Variants in MAF observed in about 807,000 individuals in gnomAD.
The protein encoded by MAF is MAF bZIP transcription factor.
MAF carries 10 observed loss-of-function variants against 22.0 expected under a neutral mutation model. That is an observed-to-expected ratio of 0.45 (90% CI 0.28 to 0.77). The LOEUF is 0.77. Among genes scored for constraint, MAF ranks in the 30% least tolerant of loss-of-function variants. The probability of loss-of-function intolerance (pLI) is 0.12; values close to 1 mark genes in which losing one functional copy is unlikely to be tolerated. For missense variants in MAF, 544 were observed against 548.4 expected (o/e 0.99, Z 0.08); for synonymous variants, 337 against 255.8 (o/e 1.32, Z -3.03).
the MAF span, among the ~76,000 whole-genome samples, chr16:79,385,841 A>C: frequency 6.6e-6 from 1 of 152,190 alleles, no homozygotes; most frequent in Non-Finnish European, 1.5e-5. Context: ...CAGAGGTTGG[A>C]GGTTGCAGTG....
chr16:79,268,988 C>T, the MAF span, among the ~76,000 whole-genome samples: 1 of 152,220 alleles, frequency 6.6e-6, no homozygotes, highest in Non-Finnish European at 1.5e-5. Flanking sequence ...AGCTCCTCAG[C>T]TGTGGCTTGC....
the MAF span, among the ~76,000 whole-genome samples, chr16:79,281,888 C>G: frequency 1.2e-4 from 18 of 152,202 alleles, no homozygotes; most frequent in South Asian, 4.1e-4. Context: ...ATTGTAGAAC[C>G]CTGCATTTCT....
the MAF span, among the ~76,000 whole-genome samples, chr16:79,217,156 G>A: frequency 1.2e-4 from 18 of 152,310 alleles, no homozygotes; most frequent in African/African-American, 3.8e-4. Context: ...AGCATACTCT[G>A]TGCCAGTTGA....
At chr16:79,340,452 G>A in the MAF span, among the ~76,000 whole-genome samples, 1 of 150,810 alleles carries the variant, frequency 6.6e-6, no homozygotes, top group Non-Finnish European at 1.5e-5. Context: ...CCTGGCACTG[G>A]GAATATAGCA....
At chr16:79,386,846 T>C in the MAF span, among the ~76,000 whole-genome samples, 1 of 152,082 alleles carries the variant, frequency 6.6e-6, no homozygotes, top group East Asian at 1.9e-4. Context: ...AATGTTATTA[T>C]AAATAAGAGC....
the MAF span, among the ~76,000 whole-genome samples, chr16:79,289,277 G>A: frequency 6.2e-4 from 94 of 152,242 alleles, no homozygotes; most frequent in African/African-American, 2.2e-3. Context: ...TGGAAGACTG[G>A]GGCAGGCAAG....
the MAF span, among the ~76,000 whole-genome samples, chr16:79,280,807 G>A: frequency 6.6e-6 from 1 of 152,272 alleles, no homozygotes; most frequent in East Asian, 1.9e-4. Context: ...CTCTCCCATT[G>A]TACTCCTCAG....
chr16:79,228,963 A>G, the MAF span, among the ~76,000 whole-genome samples: 110,709 of 151,516 alleles, frequency 0.73, 41,912 homozygotes, highest in Non-Finnish European at 0.83. Context: ...TGAGGGGCCA[A>G]GATGGGCTTT....
At chr16:79,312,311 T>G in the MAF span, among the ~76,000 whole-genome samples, 3 of 152,206 alleles carry the variant, frequency 2.0e-5, no homozygotes, top group Non-Finnish European at 4.4e-5. Context: ...AAAACAGACC[T>G]AATTGCACCC....
At chr16:79,386,523 C>T in the MAF span, among the ~76,000 whole-genome samples, 11 of 152,262 alleles carry the variant, frequency 7.2e-5, no homozygotes, top group East Asian at 5.8e-4. Flanking sequence ...TGCTCACCCA[C>T]GCACAGCTCA....
chr16:79,531,614 A>C, the MAF span, among the ~76,000 whole-genome samples: 1 of 152,112 alleles, frequency 6.6e-6, no homozygotes, highest in African/African-American at 2.4e-5. Flanking sequence ...GGAGGGCACA[A>C]CCTAGATCCC....
the MAF span, among the ~76,000 whole-genome samples, chr16:79,453,669 G>C: frequency 6.6e-6 from 1 of 152,176 alleles, no homozygotes; most frequent in Non-Finnish European, 1.5e-5. Flanking sequence ...CTTGCAGGAA[G>C]GATTTCTGGA....
chr16:79,271,731 C>G, the MAF span, among the ~76,000 whole-genome samples: 67 of 152,318 alleles, frequency 4.4e-4, no homozygotes, highest in Non-Finnish European at 7.9e-4. Flanking sequence ...TGTGATGTCT[C>G]TGAGGGATGT....
chr16:79,566,388 G>T, the MAF span, among the ~76,000 whole-genome samples: 54 of 152,332 alleles, frequency 3.5e-4, no homozygotes, highest in Middle Eastern at 3.4e-3. Flanking sequence ...AGGGAGTGGG[G>T]ACTGTACTGC....
the MAF span, among the ~76,000 whole-genome samples, chr16:79,444,260 T>A: frequency 2.0e-5 from 3 of 152,056 alleles, no homozygotes; most frequent in Non-Finnish European, 2.9e-5. Context: ...AAAATAAAAA[T>A]ATTGATTTTG....
chr16:79,403,043 T>G, the MAF span, among the ~76,000 whole-genome samples: 92,361 of 151,948 alleles, frequency 0.61, 28,756 homozygotes, highest in East Asian at 0.9. Flanking sequence ...GCCTCTCTCA[T>G]AATGGATTTC....
the MAF span, among the ~76,000 whole-genome samples, chr16:79,386,526 A>G: frequency 6.6e-6 from 1 of 152,160 alleles, no homozygotes; most frequent in Non-Finnish European, 1.5e-5. Flanking sequence ...TCACCCACGC[A>G]CAGCTCACCT....
the MAF span, among the ~76,000 whole-genome samples, chr16:79,304,689 A>T: frequency 6.6e-6 from 1 of 152,176 alleles, no homozygotes; most frequent in East Asian, 1.9e-4. Context: ...ACCCTAAAAA[A>T]CACACTCGCT....
At chr16:79,214,567 G>A in the MAF span, among the ~76,000 whole-genome samples, 5 of 151,830 alleles carry the variant, frequency 3.3e-5, no homozygotes, top group African/African-American at 1.2e-4. Flanking sequence ...CACCACACCT[G>A]GCTAATTTTT....
Sources: gnomAD v4.1 joint callset for allele counts (sites outside exome capture counted in the v4.1 genomes callset) on GRCh38, gnomAD v4.1.1 for gene constraint, MANE v1.5 for transcripts, NCBI Gene and HGNC (gene_info 2026-07-23, HGNC 2026-07-21) for gene names.